CTDP1: variants seen among roughly 807,000 people sequenced by gnomAD.
CTDP1 encodes the protein RNA polymerase II subunit A C-terminal domain phosphatase.
Under a neutral mutation model 91.8 loss-of-function variants are expected in CTDP1, and 47 were observed. The observed-to-expected ratio is 0.51, with a 90% CI of 0.41 to 0.65. The LOEUF is 0.65. Ranked by LOEUF, CTDP1 falls within the 30% of genes least tolerant of loss-of-function variation. The probability of loss-of-function intolerance (pLI) is 0.00; values close to 1 mark genes in which losing one functional copy is unlikely to be tolerated. For synonymous variants in CTDP1, 656 were observed against 598.5 expected (o/e 1.10, Z -1.40); for missense variants, 1,272 against 1,373.7 (o/e 0.93, Z 1.17).
At position 79,702,534 on chromosome 18, in the gene CTDP1, C is replaced by G. The variant is rs148343363; in HGVS notation, c.622-2233C>G. On this transcript the variant is annotated intron_variant, in intron 4 of 12. Coordinates refer to ENST00000613122, the MANE Select transcript of CTDP1 (RefSeq NM_004715.5). ...GACTACAGGCGTGTACCACCACACCCAGTTAATTTTTATATTTTTAGTAGA... is the reference window on the plus strand; with the variant it reads ...GACTACAGGCGTGTACCACCACACCGAGTTAATTTTTATATTTTTAGTAGA... 7.4e-3 allele frequency among the ~76,000 whole-genome samples: 1,133 copies of G among 152,140 alleles called. 12 individuals carry two copies. Among genetic ancestry groups the G allele is most frequent in the African/African-American group, 0.026 (1,084 of 41,514 alleles).
At position 79,695,974 on chromosome 18, in the gene CTDP1, C is replaced by G. The variant is rs1451103926; in HGVS notation, c.399-3C>G. On this transcript the variant is annotated splice_polypyrimidine_tract_variant and splice_region_variant and intron_variant, in intron 2 of 12. Transcript: ENST00000613122. ...AGCCCTGAACCTGTCCTTGCACTTG[C>G]AGGTTGCAGAGTAAGAACGGGAAGC... The G allele has an allele frequency of 6.2e-7, 1 of 1,611,562 alleles. No homozygotes were observed. The highest frequency in any genetic ancestry group is 1.1e-5 in the South Asian group (1 of 91,068).
intron 10 of CTDP1, among the ~76,000 whole-genome samples, chr18:79,725,566 C>T (rs1671853933): frequency 6.6e-6 from 1 of 151,454 alleles, no homozygotes; most frequent in Admixed American, 6.6e-5. Flanking sequence ...TTCGTACTTT[C>T]CTTCTGCTTG....
chr18:79,727,194 G>GT (rs1390048744), intron 10 of CTDP1, among the ~76,000 whole-genome samples: 2 of 152,206 alleles, frequency 1.3e-5, no homozygotes, highest in African/African-American at 2.4e-5. Context: ...GTTATCATAG[G>GT]TTTTTAACAT....
At chr18:79,697,305 A>T (rs2085767317) in intron 3 of CTDP1, among the ~76,000 whole-genome samples, 2 of 151,904 alleles carry the variant, frequency 1.3e-5, no homozygotes, top group African/African-American at 4.8e-5. Context: ...CCCGTGTCCC[A>T]TGCCGGGCTC....
At chr18:79,692,940 C>A (rs141013759) in intron 1 of CTDP1, among the ~76,000 whole-genome samples, 2 of 152,342 alleles carry the variant, frequency 1.3e-5, no homozygotes, top group Non-Finnish European at 2.9e-5. Context: ...GGGAGCAGTG[C>A]CCAGGGAAAG....
intron 12 of CTDP1, 100 bp downstream of exon 12, chr18:79,736,621 C>T: frequency 8.1e-7 from 1 of 1,229,042 alleles, no homozygotes. Flanking sequence ...TTCACGCCCT[C>T]CACCATTCTG....
chr18:79,746,603 C>T (rs2086887819), intron 12 of CTDP1, among the ~76,000 whole-genome samples: 2 of 152,342 alleles, frequency 1.3e-5, no homozygotes, highest in South Asian at 4.1e-4. Flanking sequence ...TCAGGAGGCC[C>T]TGCCTTGCCC....
At chr18:79,738,895 G>A (rs568296556) in intron 12 of CTDP1, among the ~76,000 whole-genome samples, 13 of 152,336 alleles carry the variant, frequency 8.5e-5, no homozygotes, top group Admixed American at 3.3e-4. Flanking sequence ...TTGAAATTCC[G>A]TATTGGGTGA....
chr18:79,730,670 G>A (rs141273529), intron 11 of CTDP1, among the ~76,000 whole-genome samples: 79 of 152,352 alleles, frequency 5.2e-4, no homozygotes, highest in Middle Eastern at 3.4e-3. Context: ...TTTTATGTTC[G>A]TGAATTTTTA....
rs9957566 is a variant in CTDP1 at position 79,722,641 on chromosome 18, C to G, written c.2417+4625C>G. Reference sequence around the variant, plus strand: ...CATCTTTGTCACGTTAAGGAAATGTCTCTCCCTTCACTTGTACGTGTTGGA... The same window carrying G: ...CATCTTTGTCACGTTAAGGAAATGTGTCTCCCTTCACTTGTACGTGTTGGA... On this transcript the variant is annotated intron_variant, in intron 10 of 12. Transcript: ENST00000613122. Among the ~76,000 whole-genome samples, 205 of 152,328 alleles carry G rather than the reference C, an allele frequency of 1.3e-3. 1 individual carries two copies. Among genetic ancestry groups the G allele is most frequent in the African/African-American group, 4.4e-3 (181 of 41,570 alleles).
At chr18:79,737,504 G>A (rs190503417) in intron 12 of CTDP1, among the ~76,000 whole-genome samples, 12 of 152,250 alleles carry the variant, frequency 7.9e-5, no homozygotes, top group African/African-American at 2.4e-4. Flanking sequence ...CCACTAATCG[G>A]CTTTGTTCTC....
intron 1 of CTDP1, among the ~76,000 whole-genome samples, chr18:79,686,217 T>A (rs990525440): frequency 6.6e-6 from 1 of 152,252 alleles, no homozygotes; most frequent in African/African-American, 2.4e-5. Flanking sequence ...TTGTGTGCAT[T>A]ATCAGATTTG....
chr18:79,738,466 G>A (rs531802938), intron 12 of CTDP1, among the ~76,000 whole-genome samples: 10 of 152,318 alleles, frequency 6.6e-5, no homozygotes, highest in South Asian at 2.1e-4. Flanking sequence ...TAGGAGCAGC[G>A]CCAGCCTCGG....
intron 5 of CTDP1, among the ~76,000 whole-genome samples, chr18:79,709,608 T>C (rs1369167073): frequency 6.6e-6 from 1 of 152,220 alleles, no homozygotes; most frequent in Non-Finnish European, 1.5e-5. Flanking sequence ...GAAGTGCAAG[T>C]GTCAAATGTA....
intron 10 of CTDP1, among the ~76,000 whole-genome samples, chr18:79,725,862 C>T (rs921435741): frequency 3.9e-5 from 6 of 152,268 alleles, no homozygotes; most frequent in Admixed American, 6.5e-5. Flanking sequence ...TTCTGGGCTC[C>T]GTGGTTCTGA....
intron 8 of CTDP1, among the ~76,000 whole-genome samples, chr18:79,715,994 C>A (rs1229409096): frequency 2.6e-5 from 4 of 152,212 alleles, no homozygotes; most frequent in Non-Finnish European, 2.9e-5. Flanking sequence ...GACGGTGAAA[C>A]CTGTCCCGGA....
intron 1 of CTDP1, among the ~76,000 whole-genome samples, chr18:79,686,414 AAG>A (rs956091636): frequency 2.0e-5 from 3 of 152,364 alleles, no homozygotes; most frequent in East Asian, 1.9e-4. Context: ...TTTCAGGAGA[AAG>A]AGAATGTAGA....
At chr18:79,688,054 C>G (rs748378234) in intron 1 of CTDP1, among the ~76,000 whole-genome samples, 3 of 152,206 alleles carry the variant, frequency 2.0e-5, no homozygotes, top group Non-Finnish European at 4.4e-5. Flanking sequence ...ATTCCTCAGA[C>G]GTTGTGCTTT....
chr18:79,713,481 G>C lies in CTDP1; in HGVS notation c.1030+343G>C, dbSNP rs2086123158. On this transcript the variant is annotated intron_variant, in intron 7 of 12. Transcript: ENST00000613122. This position sits in a 1 kb window ranked among gnomAD's most constrained non-coding sequence, Gnocchi z 4.7. ...GGCCATAGTGTTCTGTAGAGAGAGTGAATGTGGGGGCGGTGGCTCTGCGGG... is the reference window on the plus strand; with the variant it reads ...GGCCATAGTGTTCTGTAGAGAGAGTCAATGTGGGGGCGGTGGCTCTGCGGG... Among the ~76,000 whole-genome samples the C allele has an allele frequency of 6.6e-6, 1 of 152,220 alleles. No individual in the cohort carries two copies. The highest frequency in any genetic ancestry group is 6.5e-5 in the Admixed American group (1 of 15,282).
Sources: gnomAD v4.1 joint callset for allele counts (sites outside exome capture counted in the v4.1 genomes callset) on GRCh38, gnomAD v4.1.1 for gene constraint, Gnocchi (gnomAD v3.1) non-coding constraint, MANE v1.5 for transcripts, NCBI Gene and HGNC (gene_info 2026-07-23, HGNC 2026-07-21) for gene names.